The following KCTD1 variants were observed in gnomAD, a reference collection of about 807,000 sequenced individuals.
KCTD1 encodes potassium channel tetramerization domain containing 1.
Under a neutral mutation model 66.0 loss-of-function variants are expected in KCTD1, and 24 were observed. The ratio of observed to expected loss-of-function variants is 0.36; its 90% CI spans 0.26 to 0.51. KCTD1 has a LOEUF of 0.51. Among genes scored for constraint, KCTD1 ranks in the 20% least tolerant of loss-of-function variants. The probability of loss-of-function intolerance (pLI) is 0.95; values close to 1 mark genes in which losing one functional copy is unlikely to be tolerated. For synonymous variants in KCTD1, 511 were observed against 517.2 expected (o/e 0.99, Z 0.16); for missense variants, 943 against 1,205.2 (o/e 0.78, Z 3.22).
intron 1 of KCTD1, among the ~76,000 whole-genome samples, chr18:26,506,740 C>G (rs1343336773): frequency 6.6e-6 from 1 of 152,188 alleles, no homozygotes; most frequent in Non-Finnish European, 1.5e-5. Context: ...CTAAACAGAG[C>G]TGTCCATAGA....
chr18:26,597,207 C>T (rs1371735307), intron 1 of KCTD1, among the ~76,000 whole-genome samples: 1 of 151,928 alleles, frequency 6.6e-6, no homozygotes, highest in South Asian at 2.1e-4. Context: ...GAGGGAACAC[C>T]GAGATGAAAG....
chr18:26,572,052 ATGT>A lies in KCTD1; in HGVS notation c.-16+57092_-16+57094del, dbSNP rs901202590. On this transcript the variant is annotated intron_variant, in intron 1 of 4. Coordinates refer to the KCTD1 transcript ENST00000317932. ...AGGTTTTTTGTTTTGTTTGTTGTTG[ATGT>A]TGTTGTTGTTTTTTTTTTTTTTGAG... is the stretch of plus-strand genomic sequence containing the variant. Among the ~76,000 whole-genome samples, 6 of 148,818 alleles carry A rather than the reference ATGT, an allele frequency of 4.0e-5. No individual in the cohort carries two copies. The East Asian group carries it at 7.9e-4, about 20-fold the overall frequency.
intron 1 of KCTD1, among the ~76,000 whole-genome samples, chr18:26,533,071 T>C (rs756823098): frequency 1.3e-5 from 2 of 152,180 alleles, no homozygotes; most frequent in Non-Finnish European, 2.9e-5. Context: ...GCCTATGAGA[T>C]TGCTGTGAGG....
upstream of KCTD1, among the ~76,000 whole-genome samples, chr18:26,642,230 G>T (rs2145064263): frequency 6.6e-6 from 1 of 152,282 alleles, no homozygotes; most frequent in Admixed American, 6.5e-5. Flanking sequence ...GGAAGTGAAT[G>T]TCCTAATCCT....
intron 1 of KCTD1, among the ~76,000 whole-genome samples, chr18:26,514,040 G>C (rs957791884): frequency 6.6e-6 from 1 of 152,156 alleles, no homozygotes; most frequent in Non-Finnish European, 1.5e-5. Flanking sequence ...AAGATTCTTA[G>C]TGTCATTTTA....
intron 1 of KCTD1, among the ~76,000 whole-genome samples, chr18:26,625,064 A>T (rs1479180469): frequency 6.6e-6 from 1 of 152,126 alleles, no homozygotes; most frequent in African/African-American, 2.4e-5. Flanking sequence ...ATTTCTCCCA[A>T]TTTGAACAGG....
At chr18:26,657,245 G>GAGTGTGCC in intron 1 of KCTD1, 1 of 806,312 alleles carries the variant, frequency 1.2e-6, no homozygotes, top group Non-Finnish European at 1.5e-6. Context: ...GCGTGTGTGC[G>GAGTGTGCC]AGTGTGCCGC....
chr18:26,536,515 T>C (rs571479512), intron 1 of KCTD1, among the ~76,000 whole-genome samples: 8 of 152,346 alleles, frequency 5.3e-5, no homozygotes, highest in East Asian at 1.9e-4. Flanking sequence ...TTTAACTGTT[T>C]AGTATTTCAG....
chr18:26,544,969 C>A (rs540342803), intron 1 of KCTD1: 2 of 152,306 alleles, frequency 1.3e-5, no homozygotes, highest in African/African-American at 4.8e-5. Context: ...CATCAGTATA[C>A]AGTTTTTTGG....
At chr18:26,656,337 C>T (rs1988139362) in intron 1 of KCTD1, among the ~76,000 whole-genome samples, 1 of 152,208 alleles carries the variant, frequency 6.6e-6, no homozygotes, top group South Asian at 2.1e-4. Flanking sequence ...CCCTCCCCGC[C>T]TCCCAAGGAG....
chr18:26,512,016 G>A (rs928039317), intron 1 of KCTD1, among the ~76,000 whole-genome samples: 1 of 152,160 alleles, frequency 6.6e-6, no homozygotes, highest in African/African-American at 2.4e-5. Context: ...TAACTTCTTG[G>A]ATGTGGTCAT....
chr18:26,592,271 A>G (rs1461150400), intron 1 of KCTD1, among the ~76,000 whole-genome samples: 1 of 152,264 alleles, frequency 6.6e-6, no homozygotes, highest in African/African-American at 2.4e-5. Flanking sequence ...AAAATAATTT[A>G]AATAATCTTT....
chr18:26,492,800 G>T (rs956070391), intron 2 of KCTD1, among the ~76,000 whole-genome samples: 1 of 152,026 alleles, frequency 6.6e-6, no homozygotes, highest in Non-Finnish European at 1.5e-5. Flanking sequence ...GCTCTTCTCT[G>T]TAGGGATAGA....
upstream of KCTD1, chr18:26,549,762 C>G: frequency 1.7e-5 from 17 of 985,454 alleles, no homozygotes; most frequent in Non-Finnish European, 2.0e-5. Flanking sequence ...GTTCGCCCTC[C>G]GGGCTGCGCT....
At chr18:26,592,543 G>T (rs960205409) in intron 1 of KCTD1, among the ~76,000 whole-genome samples, 4 of 152,102 alleles carry the variant, frequency 2.6e-5, no homozygotes, top group African/African-American at 2.4e-5. Context: ...CCTCTATTCA[G>T]CCCCGCCTAG....
chr18:26,546,569 A>G (rs369485350), intron 1 of KCTD1, among the ~76,000 whole-genome samples, 159 bp downstream of exon 1: 1 of 152,236 alleles, frequency 6.6e-6, no homozygotes, highest in African/African-American at 2.4e-5. Flanking sequence ...TTTCCCAAAA[A>G]GCACCAAGAG....
intron 3 of KCTD1, among the ~76,000 whole-genome samples, chr18:26,460,362 C>T (rs924041097): frequency 8.5e-5 from 13 of 152,300 alleles, no homozygotes; most frequent in South Asian, 8.3e-4. Flanking sequence ...TTGGATGGAA[C>T]GCATATATTG....
intron 1 of KCTD1, among the ~76,000 whole-genome samples, chr18:26,651,799 A>AAAAAAAGAAGAAGAAG (rs764181233): frequency 3.4e-5 from 4 of 117,144 alleles, no homozygotes; most frequent in African/African-American, 1.1e-4. Flanking sequence ...AAAAAAAAAA[A>AAAAAAAGAAGAAGAAG]AAGAAGAAGA....
In KCTD1 at chr18:26,565,835, T is replaced by C. The variant is rs73401477; in HGVS notation, c.-16+63312A>G. 2.3e-3 allele frequency: 357 copies of C among 152,290 alleles called. 1 individual carries two copies. The highest frequency in any genetic ancestry group is 8.2e-3 in the African/African-American group (340 of 41,568). The allele number at this position is 152,290 out of a possible 1,614,324, so 9.4% of individuals were successfully genotyped here. A position where few individuals can be genotyped will look rare whatever the true frequency, so the allele number is the denominator to read the frequency against. Reference sequence around the variant, plus strand: ...ATTAGATGAAAAGCAAAAATAGAGCTGTACTAAGTATACAGATCATTGTTA... The same window carrying C: ...ATTAGATGAAAAGCAAAAATAGAGCCGTACTAAGTATACAGATCATTGTTA... On this transcript the variant is annotated intron_variant, in intron 1 of 4. Transcript: ENST00000317932.
Sources: allele counts gnomAD v4.1 joint callset (sites outside exome capture counted in the v4.1 genomes callset), GRCh38; gene constraint gnomAD v4.1.1; transcripts MANE v1.5; gene names NCBI Gene and HGNC (gene_info 2026-07-23, HGNC 2026-07-21).